Variants in DCST2 observed in about 807,000 individuals in gnomAD.
DCST2 encodes the protein DC-STAMP domain containing 2.
DCST2 carries 64 observed loss-of-function variants against 81.8 expected under a neutral mutation model. The observed-to-expected ratio is 0.78, with a 90% CI of 0.64 to 0.96. DCST2 has a LOEUF of 0.96. Among genes scored for constraint, DCST2 ranks in the 40% least tolerant of loss-of-function variants. The pLI, the probability that DCST2 is intolerant of heterozygous loss-of-function variation, is 0.00. For synonymous variants in DCST2, 354 were observed against 402.6 expected (o/e 0.88, Z 1.44); for missense variants, 945 against 1,001.4 (o/e 0.94, Z 0.76).
rs779676555 is a variant in DCST2 at position 155,033,743 on chromosome 1, C to T, written c.-42G>A. On this transcript the variant is annotated 5_prime_UTR_variant, in exon 1 of 15. Transcript: ENST00000368424. ...TGTCTGCCTGTCTCCAGGAGATGCC[C>T]GCTGACTTCTGTGCTCCTGGAATTT... The T allele has an allele frequency of 2.9e-5, 46 of 1,591,396 alleles. 1 individual carries two copies. The highest frequency in any genetic ancestry group is 1.7e-4 in the Middle Eastern group (1 of 5,948).
At chr1:155,033,406 G>T (rs761765913) in intron 1 of DCST2, 28 bp downstream of exon 1, 2 of 1,606,610 alleles carry the variant, frequency 1.2e-6, no homozygotes, top group African/African-American at 1.3e-5. Flanking sequence ...CCCAGGACCT[G>T]CCCCCTAGCC....
intron 13 of DCST2, 47 bp downstream of exon 13, chr1:155,023,317 C>A: frequency 6.2e-7 from 1 of 1,612,434 alleles, no homozygotes; most frequent in Non-Finnish European, 8.5e-7. Flanking sequence ...TGCCTACTTC[C>A]ACTGCCCCTA....
chr1:155,029,200 T>G (rs1571549187), intron 8 of DCST2, 33 bp downstream of exon 8: 1 of 1,604,096 alleles, frequency 6.2e-7, no homozygotes, highest in Non-Finnish European at 8.5e-7. Context: ...CTGCAGTGGG[T>G]GAGTGGGAGG....
rs564457016 is a variant in DCST2 at position 155,022,160 on chromosome 1, C to T, written c.2105+957G>A. Among the ~76,000 whole-genome samples, 18 of 152,276 alleles carry T rather than the reference C, an allele frequency of 1.2e-4. No individual in the cohort carries two copies. The South Asian group carries it at 3.7e-3, about 32-fold the overall frequency. The stretch of plus-strand genomic sequence containing the variant: ...AGGATTACAGGCATGAGCCACCGTG[C>T]CCGGCCCGCTTATGGTCTTAAAAGA... On this transcript the variant is annotated intron_variant, in intron 14 of 14. Coordinates refer to ENST00000368424, the MANE Select transcript of DCST2 (RefSeq NM_144622.3).
chr1:155,033,235 C>T lies in DCST2; in HGVS notation c.298G>A (p.Ala100Thr), dbSNP rs1179460262. Reference protein sequence around the residue: ...RQGRTLLLVAAFGLVLQGPCA... With the variant: ...RQGRTLLLVATFGLVLQGPCA... ...GGCCCTTGAAGCACCAACCCAAAAG[C>T]AGCCACCAACAGTAGTGTCCGGCCC... The change falls in exon 2 of 15, where the codon GCT (alanine) becomes ACT (threonine). Residue 100 changes from alanine to threonine, a missense_variant. Ala to Thr is a moderately conservative substitution (Grantham distance 58). Coordinates refer to ENST00000368424, the MANE Select transcript of DCST2 (RefSeq NM_144622.3). 1 of 1,613,676 alleles carries T rather than the reference C, an allele frequency of 6.2e-7. No individual in the cohort carries two copies. The highest frequency in any genetic ancestry group is 2.2e-5 in the East Asian group (1 of 44,880).
intron 10 of DCST2, among the ~76,000 whole-genome samples, chr1:155,025,764 T>C (rs966086818): frequency 6.6e-6 from 1 of 151,640 alleles, no homozygotes; most frequent in Non-Finnish European, 1.5e-5. Context: ...AGTGGTGCAA[T>C]CATAGCTCAC....
intron 1 of DCST2, 74 bp downstream of exon 1, chr1:155,033,360 C>A (rs767948854): frequency 1.3e-6 from 2 of 1,588,776 alleles, no homozygotes; most frequent in Non-Finnish European, 1.7e-6. Context: ...TTAACCCCTG[C>A]CTCTCCTCCA....
chr1:155,025,668 GC>G (rs1345946662), intron 10 of DCST2, among the ~76,000 whole-genome samples: 2 of 151,304 alleles, frequency 1.3e-5, no homozygotes, highest in East Asian at 3.9e-4. Context: ...TGCCAACACT[GC>G]CCCCACCTCA....
At chr1:155,027,435 C>T (rs904701630) in intron 8 of DCST2, among the ~76,000 whole-genome samples, 1 of 144,584 alleles carries the variant, frequency 6.9e-6, no homozygotes, top group Non-Finnish European at 1.5e-5. Flanking sequence ...TGTGAGCCAC[C>T]GAGTAAGACC....
chr1:155,033,606 C>T lies in DCST2; in HGVS notation c.96G>A (p.Leu32=). 6.2e-7 allele frequency: 1 copy of T among 1,614,162 alleles called. No homozygotes were observed. The highest frequency in any genetic ancestry group is 1.3e-5 in the African/African-American group (1 of 75,040). Residue 32 remains leucine, a synonymous_variant, in exon 1 of 15, where the codon CTG becomes CTA. Coordinates refer to ENST00000368424, the MANE Select transcript of DCST2 (RefSeq NM_144622.3). ...CGTAGGCCGTGGCTAAAGACAAGCC[C>T]AGGGTAAAACCTCCCACGCTGCGAA... ...AVVRSVGGFT[L]GLSLATAYGL...
intron 7 of DCST2, among the ~76,000 whole-genome samples, chr1:155,029,669 C>T (rs1423419858): frequency 6.6e-6 from 1 of 152,058 alleles, no homozygotes; most frequent in Non-Finnish European, 1.5e-5. Flanking sequence ...CCTAGGGCAT[C>T]CCTCATCCCC....
intron 4 of DCST2, 92 bp from the exon 5 acceptor site, chr1:155,031,326 C>G: frequency 1.5e-6 from 2 of 1,345,206 alleles, no homozygotes; most frequent in Non-Finnish European, 2.0e-6. Flanking sequence ...GGCCTCTTTT[C>G]GATTTTCCTA....
At chr1:155,025,161 AAAAAG>A (rs1659865554) in intron 10 of DCST2, among the ~76,000 whole-genome samples, 1 of 151,798 alleles carries the variant, frequency 6.6e-6, no homozygotes, top group Admixed American at 6.6e-5. Flanking sequence ...AAAAAAAAAA[AAAAAG>A]AAAAGAAAGC....
intron 6 of DCST2, 31 bp downstream of exon 6, chr1:155,030,401 G>A (rs1253796020): frequency 6.2e-7 from 1 of 1,608,188 alleles, no homozygotes; most frequent in Admixed American, 1.7e-5. Context: ...CCCCGGCCCT[G>A]CATCCCCCAC....
chr1:155,030,623 C>A lies in DCST2; in HGVS notation c.828G>T (p.Arg276=). The change falls in exon 6 of 15, where the codon CGG becomes CGT. Residue 276 remains arginine, a synonymous_variant. Transcript: ENST00000368424. ...IGTPVIQLLN[R]VRQEFEFNMT... Reference sequence around the variant, plus strand: ...TGTTGAACTCAAACTCCTGACGCACCCGGTTGAGCAACTGAATCACGGCTG... The same window carrying A: ...TGTTGAACTCAAACTCCTGACGCACACGGTTGAGCAACTGAATCACGGCTG... 1 of 1,614,062 alleles carries A rather than the reference C, an allele frequency of 6.2e-7. No homozygotes were observed. The highest frequency in any genetic ancestry group is 2.2e-5 in the East Asian group (1 of 44,866).
At chr1:155,026,854 G>T in intron 8 of DCST2, 139 bp from the exon 9 acceptor site, 1 of 1,019,984 alleles carries the variant, frequency 9.8e-7, no homozygotes, top group South Asian at 1.5e-5. Context: ...TGATGCCTCA[G>T]GCACCCTCAT....
rs116816743 is a variant in DCST2, at chr1:155,033,623, C to A, written c.79G>T (p.Val27Leu). 7 of 1,614,200 alleles carry A rather than the reference C, an allele frequency of 4.3e-6. No individual in the cohort carries two copies. In the East Asian group the frequency reaches 1.1e-4, roughly 26 times the overall value. ...GACAAGCCCAGGGTAAAACCTCCCA[C>A]GCTGCGAACCACAGCTCTCGCCATG... ...PSMARAVVRSVGGFTLGLSLA... is the reference protein window; with the variant it reads ...PSMARAVVRSLGGFTLGLSLA... Residue 27 changes from valine (V) to leucine (L), a missense_variant, in exon 1 of 15, where the codon GTG becomes TTG. Physicochemically the swap from Val to Leu is conservative, Grantham distance 32. Coordinates refer to ENST00000368424, the MANE Select transcript of DCST2 (RefSeq NM_144622.3).
intron 3 of DCST2, among the ~76,000 whole-genome samples, chr1:155,032,237 C>A (rs931234813): frequency 6.6e-6 from 1 of 152,022 alleles, no homozygotes; most frequent in Non-Finnish European, 1.5e-5. Flanking sequence ...TCCTGATCCA[C>A]CGCCTCAGCC....
At position 155,031,784 on chromosome 1, in the gene DCST2, G is replaced by T; in HGVS notation, c.542-13C>A. ...CGGAGAGCCCTGGCTGGGGACAGCT[G>T]CAGGGTTGGCACCCAGGGCTGGAAT... On this transcript the variant is annotated splice_polypyrimidine_tract_variant and intron_variant, in intron 3 of 14. Transcript: ENST00000368424. 6.2e-7 allele frequency: 1 copy of T among 1,612,500 alleles called. No homozygotes were observed. Among genetic ancestry groups the T allele is most frequent in the East Asian group, 2.2e-5 (1 of 44,846 alleles).
Sources: allele counts gnomAD v4.1 joint callset (sites outside exome capture counted in the v4.1 genomes callset), GRCh38; gene constraint gnomAD v4.1.1; transcripts MANE v1.5; gene names NCBI Gene and HGNC (gene_info 2026-07-23, HGNC 2026-07-21).